UMAD1: variants seen among roughly 807,000 people sequenced by gnomAD.
The protein encoded by UMAD1 is UBAP1-MVB12-associated (UMA) domain containing 1, also known as UBAP1-MVB12-associated (UMA)-domain containing protein 1.
UMAD1 carries 8 observed loss-of-function variants against 6.1 expected under a neutral mutation model. The observed-to-expected ratio is 1.30, with a 90% CI of 0.76 to 2.35. UMAD1 has a LOEUF of 2.35. UMAD1 is among the 30% of genes most tolerant of loss of function. The pLI is 0.00. For synonymous variants in UMAD1, 56 were observed against 31.4 expected, an observed-to-expected ratio of 1.78 and a Z score of -2.61; for missense variants, 130 against 78.4, an observed-to-expected ratio of 1.66 and a Z score of -2.49.
chr7:7,716,011 T>G (rs2115176450), intron 2 of UMAD1, among the ~76,000 whole-genome samples: 1 of 151,506 alleles, frequency 6.6e-6, no homozygotes, highest in East Asian at 1.9e-4. Context: ...ACAAATCGAA[T>G]AATTTTTTAA....
intron 2 of UMAD1, among the ~76,000 whole-genome samples, chr7:7,679,821 T>C (rs187569251): frequency 6.6e-6 from 1 of 151,152 alleles, no homozygotes; most frequent in Non-Finnish European, 1.5e-5. Context: ...TGCCTCTGCC[T>C]CCCAAAGTGC....
At chr7:7,821,059 T>A (rs928953553) in intron 3 of UMAD1, among the ~76,000 whole-genome samples, 2 of 152,190 alleles carry the variant, frequency 1.3e-5, no homozygotes, top group Non-Finnish European at 2.9e-5. Flanking sequence ...GTGGTATAGC[T>A]TTCTGGTATT....
intron 2 of UMAD1, among the ~76,000 whole-genome samples, chr7:7,707,838 A>G (rs1045485981): frequency 6.6e-6 from 1 of 152,328 alleles, no homozygotes; most frequent in Middle Eastern, 3.4e-3. Context: ...TTGCCTAGCC[A>G]GATCTTTTAA....
At chr7:7,851,158 G>T (rs1783908091) in intron 3 of UMAD1, among the ~76,000 whole-genome samples, 1 of 152,068 alleles carries the variant, frequency 6.6e-6, no homozygotes, top group Non-Finnish European at 1.5e-5. Context: ...AATATAATAT[G>T]TGGTCTTTTG....
chr7:7,771,099 T>A (rs1187063727), intron 2 of UMAD1, among the ~76,000 whole-genome samples: 1 of 150,324 alleles, frequency 6.7e-6, no homozygotes, highest in Non-Finnish European at 1.5e-5. Flanking sequence ...TGAGGTAAAT[T>A]TTTGTTAGAT....
At chr7:7,752,569 C>T (rs528910301) in intron 2 of UMAD1, among the ~76,000 whole-genome samples, 2 of 152,190 alleles carry the variant, frequency 1.3e-5, no homozygotes, top group African/African-American at 4.8e-5. Context: ...AAAAACCCGA[C>T]ATGAGTTGTG....
chr7:7,863,991 C>T (rs1160044171), intron 3 of UMAD1, among the ~76,000 whole-genome samples: 1 of 152,216 alleles, frequency 6.6e-6, no homozygotes, highest in Non-Finnish European at 1.5e-5. Flanking sequence ...TATATCTGGT[C>T]TTTGTCTCTG....
intron 1 of UMAD1, among the ~76,000 whole-genome samples, chr7:7,660,373 G>A (rs966402199): frequency 6.6e-6 from 1 of 152,180 alleles, no homozygotes; most frequent in Admixed American, 6.5e-5. Flanking sequence ...TTTCCAGTTA[G>A]TTGATGCAGT....
intron 3 of UMAD1, among the ~76,000 whole-genome samples, chr7:7,822,017 A>G (rs1783250629): frequency 6.6e-6 from 1 of 152,162 alleles, no homozygotes; most frequent in Non-Finnish European, 1.5e-5. Flanking sequence ...TAGTAAACAA[A>G]AATGAGTTGT....
At chr7:7,693,733 A>G (rs943907556) in intron 2 of UMAD1, among the ~76,000 whole-genome samples, 2 of 152,140 alleles carry the variant, frequency 1.3e-5, no homozygotes, top group Non-Finnish European at 2.9e-5. Flanking sequence ...ATATTATATG[A>G]ACGTGAAGTT....
At chr7:7,782,735 T>TC (rs1491567949) in intron 2 of UMAD1, among the ~76,000 whole-genome samples, 189 of 88,284 alleles carry the variant, frequency 2.1e-3, no homozygotes, top group African/African-American at 0.014. Context: ...AACCTCTCTC[T>TC]TTTTTTTTTT....
chr7:7,846,542 T>C (rs1050157854), intron 3 of UMAD1, among the ~76,000 whole-genome samples: 3 of 152,148 alleles, frequency 2.0e-5, no homozygotes, highest in African/African-American at 7.2e-5. Flanking sequence ...GATGATACTA[T>C]CTTAAAAAGC....
intron 2 of UMAD1, among the ~76,000 whole-genome samples, chr7:7,756,197 T>A (rs1781772388): frequency 6.6e-6 from 1 of 152,152 alleles, no homozygotes; most frequent in Non-Finnish European, 1.5e-5. Context: ...CTGTGGAAGA[T>A]CAGGCAAGTA....
chr7:7,741,605 T>G (rs980542699), intron 2 of UMAD1, among the ~76,000 whole-genome samples: 1 of 147,350 alleles, frequency 6.8e-6, no homozygotes, highest in Non-Finnish European at 1.5e-5. Context: ...ATAATAATAA[T>G]AATAATAATA....
intron 2 of UMAD1, among the ~76,000 whole-genome samples, chr7:7,781,919 A>ATT (rs1375041448): frequency 6.6e-6 from 1 of 152,110 alleles, no homozygotes; most frequent in Non-Finnish European, 1.5e-5. Context: ...CTTTTAATGC[A>ATT]TTGAGGTACT....
chr7:7,820,068 G>A (rs906808546), intron 3 of UMAD1, among the ~76,000 whole-genome samples: 15 of 152,172 alleles, frequency 9.9e-5, no homozygotes, highest in African/African-American at 3.6e-4. Context: ...TTGTCACTCA[G>A]GCAAATTTTA....
intron 3 of UMAD1, among the ~76,000 whole-genome samples, chr7:7,839,569 T>C (rs1472749464): frequency 6.6e-6 from 1 of 151,812 alleles, no homozygotes; most frequent in African/African-American, 2.4e-5. Flanking sequence ...GAGACAGGAG[T>C]AAAAGGGTTT....
intron 2 of UMAD1, among the ~76,000 whole-genome samples, chr7:7,782,335 A>AT (rs1023105291): frequency 3.3e-5 from 5 of 151,984 alleles, no homozygotes; most frequent in African/African-American, 1.2e-4. Flanking sequence ...CACTTTAGTG[A>AT]TTCTCTTCCT....
chr7:7,732,078 T>C (rs1399138451), intron 2 of UMAD1, among the ~76,000 whole-genome samples: 1 of 151,996 alleles, frequency 6.6e-6, no homozygotes, highest in Non-Finnish European at 1.5e-5. Flanking sequence ...CATCTTCTGC[T>C]TGGATTACTT....
Sources: allele counts gnomAD v4.1 joint callset (sites outside exome capture counted in the v4.1 genomes callset), GRCh38; gene constraint gnomAD v4.1.1; transcripts MANE v1.5; gene names NCBI Gene and HGNC (gene_info 2026-07-23, HGNC 2026-07-21).